The following FBXL7 variants were observed in gnomAD, a reference collection of about 807,000 sequenced individuals.
The protein encoded by FBXL7 is F-box and leucine rich repeat protein 7.
A neutral mutation model predicts 38.3 loss-of-function variants in FBXL7; 12 were observed. That is an observed-to-expected ratio of 0.31 (90% confidence interval 0.20 to 0.51). The LOEUF is 0.51. Ranked by LOEUF, FBXL7 falls within the 20% of genes least tolerant of loss-of-function variation. FBXL7 has a pLI of 0.98. For synonymous variants in FBXL7, 297 were observed against 300.9 expected, an observed-to-expected ratio of 0.99 and a Z score of 0.13; for missense variants, 567 against 676.4, an observed-to-expected ratio of 0.84 and a Z score of 1.79.
chr5:15,857,956 G>A (rs917586948), intron 2 of FBXL7, among the ~76,000 whole-genome samples: 2 of 152,104 alleles, frequency 1.3e-5, no homozygotes, highest in Non-Finnish European at 2.9e-5. Flanking sequence ...ATAGATATAA[G>A]TTGAGGAAAT....
intron 2 of FBXL7, among the ~76,000 whole-genome samples, chr5:15,637,971 C>T (rs1009032253): frequency 6.6e-6 from 1 of 152,152 alleles, no homozygotes; most frequent in Non-Finnish European, 1.5e-5. Flanking sequence ...AGTATAAGCT[C>T]CTGACAACAC....
chr5:15,796,132 A>G (rs1737410248), intron 2 of FBXL7, among the ~76,000 whole-genome samples: 1 of 152,182 alleles, frequency 6.6e-6, no homozygotes, highest in African/African-American at 2.4e-5. Context: ...TGCCATAGAA[A>G]CCAACAATGC....
intron 2 of FBXL7, among the ~76,000 whole-genome samples, chr5:15,773,223 T>C (rs1015313491): frequency 1.3e-5 from 2 of 152,242 alleles, no homozygotes; most frequent in South Asian, 2.1e-4. Flanking sequence ...CAAGGTCTAC[T>C]GTGCCTGACA....
intron 2 of FBXL7, among the ~76,000 whole-genome samples, chr5:15,691,308 A>C (rs1411526187): frequency 1.3e-5 from 2 of 152,198 alleles, no homozygotes; most frequent in East Asian, 3.9e-4. Flanking sequence ...GAAAATCATG[A>C]ATCAACTTGA....
chr5:15,622,432 C>T (rs548473776), intron 2 of FBXL7, among the ~76,000 whole-genome samples: 163 of 152,208 alleles, frequency 1.1e-3, no homozygotes, highest in African/African-American at 3.9e-3. Flanking sequence ...GCTATCCCTC[C>T]CCGCTCTCCC....
intron 2 of FBXL7, among the ~76,000 whole-genome samples, chr5:15,687,607 G>A (rs16867548): frequency 0.023 from 3,494 of 152,232 alleles, 85 homozygotes; most frequent in South Asian, 0.071. Context: ...GTGTAGCACT[G>A]CCCTCAAGGC....
At chr5:15,824,691 G>A (rs1011278344) in intron 2 of FBXL7, among the ~76,000 whole-genome samples, 1 of 151,928 alleles carries the variant, frequency 6.6e-6, no homozygotes, top group Non-Finnish European at 1.5e-5. Context: ...TTCCTTTATC[G>A]GTTTTGCTTG....
chr5:15,803,236 T>C (rs1737618038), intron 2 of FBXL7, among the ~76,000 whole-genome samples: 1 of 152,192 alleles, frequency 6.6e-6, no homozygotes, highest in Non-Finnish European at 1.5e-5. Flanking sequence ...CCTAATCTTA[T>C]AATACTTATC....
chr5:15,798,122 G>A (rs1011679181), intron 2 of FBXL7, among the ~76,000 whole-genome samples: 5 of 152,106 alleles, frequency 3.3e-5, no homozygotes, highest in African/African-American at 9.7e-5. Flanking sequence ...TAGTTCTTCC[G>A]ACCACAGCTG....
intron 2 of FBXL7, among the ~76,000 whole-genome samples, chr5:15,849,867 T>A (rs1416042071): frequency 6.6e-6 from 1 of 152,236 alleles, no homozygotes; most frequent in Non-Finnish European, 1.5e-5. Flanking sequence ...TTTTAGAGCT[T>A]GATAATTATT....
rs543745836 is a variant in FBXL7, at chr5:15,581,124, G to T, written c.38-34859G>T. Among the ~76,000 whole-genome samples the T allele has an allele frequency of 1.3e-5, 2 of 152,270 alleles. 1 individual carries two copies. Among genetic ancestry groups the T allele is most frequent in the African/African-American group, 4.8e-5 (2 of 41,550 alleles). On this transcript the variant is annotated intron_variant, in intron 1 of 3. Coordinates refer to ENST00000504595, the MANE Select transcript of FBXL7 (RefSeq NM_012304.5). ...TTCACAAAAGTCATATTGGAAGCCA[G>T]TTCAATATATTGATCCATTTTACCT...
intron 2 of FBXL7, among the ~76,000 whole-genome samples, chr5:15,672,278 GTAATGTCTT>G (rs1042567349): frequency 3.3e-5 from 5 of 152,180 alleles, no homozygotes; most frequent in African/African-American, 1.2e-4. Flanking sequence ...ACATTAGCAA[GTAATGTCTT>G]TAATGTCTTT....
intron 2 of FBXL7, among the ~76,000 whole-genome samples, chr5:15,634,334 TTTTA>T (rs1205514739): frequency 0.026 from 3,354 of 127,730 alleles, 126 homozygotes; most frequent in African/African-American, 0.095. Context: ...TTTTTTTTTT[TTTTA>T]AAAGACAGAG....
At position 15,814,802 on chromosome 5, in the gene FBXL7, A is replaced by C. The variant is rs532702798; in HGVS notation, c.128-113088A>C. 7.2e-5 allele frequency among the ~76,000 whole-genome samples: 11 copies of C among 152,256 alleles called. No homozygotes were observed. The East Asian group carries it at 1.7e-3, about 24-fold the overall frequency. On this transcript the variant is annotated intron_variant, in intron 2 of 3. Coordinates refer to ENST00000504595, the MANE Select transcript of FBXL7 (RefSeq NM_012304.5). Reference sequence around the variant, plus strand: ...GGCTTTGCTGAAAACAAAAACTGAAAAACTTCTTACCCACCCCAATTGCTT... The same window carrying C: ...GGCTTTGCTGAAAACAAAAACTGAACAACTTCTTACCCACCCCAATTGCTT...
chr5:15,534,095 C>T (rs1737513165), intron 1 of FBXL7, among the ~76,000 whole-genome samples: 1 of 152,192 alleles, frequency 6.6e-6, no homozygotes, highest in South Asian at 2.1e-4. Context: ...AGACCCCATA[C>T]AGGCACAGCG....
rs373208870 is a variant in FBXL7 at position 15,863,544 on chromosome 5, T to C, written c.128-64346T>C. 7.9e-4 allele frequency among the ~76,000 whole-genome samples: 121 copies of C among 152,242 alleles called. 2 individuals carry two copies. In the South Asian group the frequency reaches 0.016, roughly 20 times the overall value. The stretch of plus-strand genomic sequence containing the variant: ...ATTGGTGACAAAATTCCTTTTACTG[T>C]CTGGCACCATTTCTGTGTTCCTCTT... On this transcript the variant is annotated intron_variant, in intron 2 of 3. Coordinates refer to ENST00000504595, the MANE Select transcript of FBXL7 (RefSeq NM_012304.5).
At chr5:15,561,099 T>C (rs1120759) in intron 1 of FBXL7, among the ~76,000 whole-genome samples, 8,943 of 152,184 alleles carry the variant, frequency 0.059, 402 homozygotes, top group African/African-American at 0.12. Context: ...AGTTCTGAAG[T>C]AAAGAGTTTC....
At chr5:15,524,908 T>A (rs1051867534) in intron 1 of FBXL7, among the ~76,000 whole-genome samples, 1 of 152,224 alleles carries the variant, frequency 6.6e-6, no homozygotes, top group Non-Finnish European at 1.5e-5. Flanking sequence ...GCTGAGATGA[T>A]TGGTGGACCC....
intron 2 of FBXL7, among the ~76,000 whole-genome samples, chr5:15,764,649 A>G (rs560621980): frequency 5.3e-5 from 8 of 152,232 alleles, no homozygotes; most frequent in Admixed American, 2.6e-4. Flanking sequence ...CACTTATTAA[A>G]TGCATGGGCT....
Sources: gnomAD v4.1 joint callset for allele counts (sites outside exome capture counted in the v4.1 genomes callset) on GRCh38, gnomAD v4.1.1 for gene constraint, MANE v1.5 for transcripts, NCBI Gene and HGNC (gene_info 2026-07-23, HGNC 2026-07-21) for gene names.